The following CADM1 variants were observed in gnomAD, a reference collection of about 807,000 sequenced individuals.
CADM1 encodes the protein cell adhesion molecule 1, also known as TSLC-1.
In CADM1, 15 loss-of-function variants were observed where a neutral mutation model predicts 53.1. The observed-to-expected ratio is 0.28, with a 90% CI of 0.19 to 0.44. The LOEUF is 0.44. Among genes scored for constraint, CADM1 ranks in the 20% least tolerant of loss-of-function variants. The pLI is 1.00. For missense variants in CADM1, 434 were observed against 611.3 expected (o/e 0.71, Z 3.06); for synonymous variants, 281 against 243.0 (o/e 1.16, Z -1.45).
intron 1 of CADM1, among the ~76,000 whole-genome samples, chr11:115,424,171 T>A (rs1271824830): frequency 6.6e-6 from 1 of 152,210 alleles, no homozygotes; most frequent in African/African-American, 2.4e-5. Context: ...TTCTTCAAGA[T>A]AGCACAGCTA....
chr11:115,437,354 G>A (rs1218421157), intron 1 of CADM1, among the ~76,000 whole-genome samples: 2 of 152,172 alleles, frequency 1.3e-5, no homozygotes, highest in Non-Finnish European at 2.9e-5. Flanking sequence ...GGCCTAGATA[G>A]ACAAGACATG....
chr11:115,273,663 T>C (rs1943365923), intron 1 of CADM1, among the ~76,000 whole-genome samples: 1 of 152,152 alleles, frequency 6.6e-6, no homozygotes, highest in Non-Finnish European at 1.5e-5. Context: ...AGCCCTGGGG[T>C]TTAGATTGTC....
Position 115,176,016 on chromosome 11 carries a change from A to T in CADM1, c.*458T>A, listed in dbSNP as rs147201089. 9.6e-7 allele frequency: 1 copy of T among 1,044,106 alleles called. No individual in the cohort carries two copies. Among genetic ancestry groups the T allele is most frequent in the East Asian group, 8.6e-5 (1 of 11,586 alleles). 64.7% of individuals were successfully genotyped at this position (1,044,106 alleles called of 1,614,324 possible). ...TTACCATAAAAATAAACAAAAGTAA[A>T]AAACTAGAACAGAAAAGGGAAGGAA... On this transcript the variant is annotated 3_prime_UTR_variant, in exon 12 of 12. Coordinates refer to ENST00000331581, the MANE Select transcript of CADM1 (RefSeq NM_001301043.2).
chr11:115,350,309 C>T (rs1945694541), intron 1 of CADM1, among the ~76,000 whole-genome samples: 1 of 152,128 alleles, frequency 6.6e-6, no homozygotes, highest in Non-Finnish European at 1.5e-5. Context: ...TATAGCCTAG[C>T]CATGCCATGG....
rs569009713 is a variant in CADM1, at chr11:115,379,654, G to T, written c.124+124617C>A. ...TGTTTCTTGATATAAGCAAAACCCTGTGTTATGAAGACATGTTAAATTATT... is the reference window on the plus strand; with the variant it reads ...TGTTTCTTGATATAAGCAAAACCCTTTGTTATGAAGACATGTTAAATTATT... On this transcript the variant is annotated intron_variant, in intron 1 of 11. Transcript: ENST00000331581. 3.3e-5 allele frequency among the ~76,000 whole-genome samples: 5 copies of T among 152,290 alleles called. No individual in the cohort carries two copies. The East Asian group carries it at 9.6e-4, about 29-fold the overall frequency.
At position 115,288,891 on chromosome 11, in the gene CADM1, AG is replaced by A. The variant is rs536261755; in HGVS notation, c.125-48472del. 1.1e-4 allele frequency among the ~76,000 whole-genome samples: 16 copies of A among 152,224 alleles called. No homozygotes were observed. The South Asian group carries it at 2.1e-3, about 20-fold the overall frequency. On this transcript the variant is annotated intron_variant, in intron 1 of 11. Transcript: ENST00000331581. ...TTCCCATCTTGACCTTCTCCACTGGAGGCAGATGACTCAGGTAGCTCAGAGG... is the reference window on the plus strand; with the variant it reads ...TTCCCATCTTGACCTTCTCCACTGGAGCAGATGACTCAGGTAGCTCAGAGG...
At chr11:115,299,232 T>G (rs1565351369) in intron 1 of CADM1, among the ~76,000 whole-genome samples, 1 of 152,172 alleles carries the variant, frequency 6.6e-6, no homozygotes, top group Non-Finnish European at 1.5e-5. Context: ...ATGCACACTC[T>G]CCCTTATGCT....
chr11:115,383,209 G>T (rs1406999017), intron 1 of CADM1, among the ~76,000 whole-genome samples: 1 of 152,214 alleles, frequency 6.6e-6, no homozygotes, highest in Admixed American at 6.5e-5. Flanking sequence ...TAAACAGGTA[G>T]ATAGCTACAG....
At chr11:115,234,710 T>C (rs543878991) in intron 3 of CADM1, among the ~76,000 whole-genome samples, 16 of 152,016 alleles carry the variant, frequency 1.1e-4, no homozygotes, top group African/African-American at 3.6e-4. Context: ...CTGGCCAACA[T>C]GGTGAAACCC....
chr11:115,480,575 G>A (rs1021189979), intron 1 of CADM1, among the ~76,000 whole-genome samples: 1 of 152,136 alleles, frequency 6.6e-6, no homozygotes, highest in African/African-American at 2.4e-5. Flanking sequence ...TCTCAGACTG[G>A]TCTCTGGGAA....
At chr11:115,425,825 A>G (rs2135281685) in intron 1 of CADM1, among the ~76,000 whole-genome samples, 1 of 152,332 alleles carries the variant, frequency 6.6e-6, no homozygotes, top group Non-Finnish European at 1.5e-5. Context: ...ACAGTAGACA[A>G]TGTCAATTAA....
chr11:115,404,347 ATATATATATATATATAT>A lies in CADM1; in HGVS notation c.124+99907_124+99923del, dbSNP rs1363294463. ...TCTCGGAAAAAAAAAAAAAAAAAAAATATATATATATATATATATATATATATATATATATATATATG... is the reference window on the plus strand; with the variant it reads ...TCTCGGAAAAAAAAAAAAAAAAAAAAATATATATATATATATATATATATG... On this transcript the variant is annotated intron_variant, in intron 1 of 11. Coordinates refer to ENST00000331581, the MANE Select transcript of CADM1 (RefSeq NM_001301043.2). 2.3e-4 allele frequency among the ~76,000 whole-genome samples: 10 copies of A among 43,554 alleles called. 1 individual carries two copies. The highest frequency in any genetic ancestry group is 9.6e-4 in the African/African-American group (7 of 7,260). 28.6% of individuals were successfully genotyped at this position (43,554 alleles called of 152,430 possible).
At chr11:115,492,753 T>C (rs1437376851) in intron 1 of CADM1, among the ~76,000 whole-genome samples, 4 of 152,148 alleles carry the variant, frequency 2.6e-5, no homozygotes, top group Admixed American at 1.3e-4. Context: ...GAATGGGAGA[T>C]GGAGAGAAAG....
chr11:115,495,169 A>C (rs1360101906), intron 1 of CADM1, among the ~76,000 whole-genome samples: 1 of 152,174 alleles, frequency 6.6e-6, no homozygotes, highest in Non-Finnish European at 1.5e-5. Context: ...CTATCTTTGA[A>C]GTTTTCATTG....
intron 1 of CADM1, among the ~76,000 whole-genome samples, chr11:115,277,340 G>A (rs560812226): frequency 1.8e-4 from 27 of 151,974 alleles, no homozygotes; most frequent in Non-Finnish European, 3.4e-4. Flanking sequence ...TAAAGAGTAG[G>A]GTATGCTTTC....
chr11:115,270,082 G>A lies in CADM1; in HGVS notation c.125-29662C>T, dbSNP rs142216386. 7.2e-4 allele frequency among the ~76,000 whole-genome samples: 109 copies of A among 152,242 alleles called. 1 individual carries two copies. The highest frequency in any genetic ancestry group is 2.5e-3 in the African/African-American group (104 of 41,528). On this transcript the variant is annotated intron_variant, in intron 1 of 11. Transcript: ENST00000331581. ...CTTCTCTTCAAATACATCCCAAAAG[G>A]GACATGCATTTAAGTAGCACAGCAG...
intron 1 of CADM1, among the ~76,000 whole-genome samples, chr11:115,426,637 C>T (rs1947900595): frequency 6.6e-6 from 1 of 152,188 alleles, no homozygotes. Flanking sequence ...AGGTCACTCA[C>T]TGCATCCTCT....
At chr11:115,410,375 C>A (rs1203281340) in intron 1 of CADM1, among the ~76,000 whole-genome samples, 1 of 152,204 alleles carries the variant, frequency 6.6e-6, no homozygotes, top group African/African-American at 2.4e-5. Flanking sequence ...ACGTAACTTA[C>A]TTCTATTCCC....
intron 7 of CADM1, among the ~76,000 whole-genome samples, chr11:115,213,045 G>A (rs945826198): frequency 6.6e-6 from 1 of 152,192 alleles, no homozygotes; most frequent in Non-Finnish European, 1.5e-5. Flanking sequence ...TTAGTGTTCT[G>A]AATCAAGGAT....
Sources: gnomAD v4.1 joint callset for allele counts (sites outside exome capture counted in the v4.1 genomes callset) on GRCh38, gnomAD v4.1.1 for gene constraint, MANE v1.5 for transcripts, NCBI Gene and HGNC (gene_info 2026-07-23, HGNC 2026-07-21) for gene names.